Variants in ABHD6 observed in about 807,000 individuals in gnomAD.
ABHD6 encodes the protein abhydrolase domain containing 6, acylglycerol lipase.
ABHD6 carries 33 observed loss-of-function variants against 38.8 expected under a neutral mutation model. That is an observed-to-expected ratio of 0.85 (90% CI 0.64 to 1.14). ABHD6 has a LOEUF of 1.14. Ranked by LOEUF, ABHD6 falls within the 50% of genes most tolerant of loss-of-function variation. The probability of loss-of-function intolerance (pLI) is 0.00; values close to 1 mark genes in which losing one functional copy is unlikely to be tolerated. For missense variants in ABHD6, 380 were observed against 422.6 expected, an observed-to-expected ratio of 0.90 and a Z score of 0.88; for synonymous variants, 147 against 161.6, an observed-to-expected ratio of 0.91 and a Z score of 0.69.
chr3:58,256,076 A>AAC lies in ABHD6; in HGVS notation c.-25-454_-25-453dup, dbSNP rs769155755. 0.058 allele frequency among the ~76,000 whole-genome samples: 3,827 copies of AAC among 65,480 alleles called. 141 individuals are homozygous for AAC. Among genetic ancestry groups the AAC allele is most frequent in the Admixed American group, 0.18 (1,465 of 7,974 alleles). The allele number at this position is 65,480 out of a possible 152,430, so 43.0% of individuals were successfully genotyped here. A position where few individuals can be genotyped will look rare whatever the true frequency, so the allele number is the denominator to read the frequency against. ...TATTTCTCTCTCTTTTCCTCCCACC[A>AAC]ACACACACACACACACACACACACA... On this transcript the variant is annotated intron_variant, in intron 2 of 9. Transcript: ENST00000478253. The surrounding 1 kb of genome is among the most constrained non-coding windows in gnomAD (Gnocchi z 4.3).
chr3:58,254,815 A>G (rs2097432161), intron 2 of ABHD6, among the ~76,000 whole-genome samples: 1 of 147,614 alleles, frequency 6.8e-6, no homozygotes. Flanking sequence ...TATATACTTT[A>G]TGATATATAT....
intron 7 of ABHD6, among the ~76,000 whole-genome samples, chr3:58,278,981 T>G (rs2097450894): frequency 6.6e-6 from 1 of 152,244 alleles, no homozygotes; most frequent in African/African-American, 2.4e-5. Flanking sequence ...TGTTGTGATT[T>G]CTGTTCTTTT....
At chr3:58,274,621 G>A in intron 6 of ABHD6, 37 bp from the exon 7 acceptor site, 6 of 1,600,040 alleles carry the variant, frequency 3.7e-6, no homozygotes, top group Non-Finnish European at 5.1e-6. Context: ...TAAGAAGGTG[G>A]ATGTATCATC....
chr3:58,274,277 T>A (rs960380920), intron 6 of ABHD6, among the ~76,000 whole-genome samples: 2 of 152,202 alleles, frequency 1.3e-5, no homozygotes, highest in African/African-American at 4.8e-5. Flanking sequence ...CAGATATGCT[T>A]AGGCAAGTTG....
chr3:58,246,280 T>C (rs2097426332), intron 1 of ABHD6, among the ~76,000 whole-genome samples: 1 of 152,196 alleles, frequency 6.6e-6, no homozygotes, highest in African/African-American at 2.4e-5. Context: ...TTCCAGACTA[T>C]CACCACAGCC....
chr3:58,290,707 C>T (rs1194837398), intron 9 of ABHD6, among the ~76,000 whole-genome samples: 1 of 149,794 alleles, frequency 6.7e-6, no homozygotes, highest in African/African-American at 2.5e-5. Flanking sequence ...GACGGGGTCG[C>T]GGCCGGGCAG....
chr3:58,244,738 GCAAGACCCTGTCT>G (rs1034232698), intron 1 of ABHD6, among the ~76,000 whole-genome samples: 1 of 151,658 alleles, frequency 6.6e-6, no homozygotes, highest in African/African-American at 2.4e-5. Context: ...GGGCAACAGA[GCAAGACCCTGTCT>G]CAAATTAAAA....
intron 7 of ABHD6, 68 bp downstream of exon 7, chr3:58,274,883 C>A: frequency 6.5e-7 from 1 of 1,531,746 alleles, no homozygotes; most frequent in Non-Finnish European, 8.9e-7. Flanking sequence ...CAGCTTCCTG[C>A]ACGTATTCCC....
chr3:58,254,326 A>G lies in ABHD6; in HGVS notation c.-25-2236A>G, dbSNP rs370312049. Among the ~76,000 whole-genome samples the G allele has an allele frequency of 7.9e-5, 12 of 152,250 alleles. No homozygotes were observed. In the South Asian group the frequency reaches 2.5e-3, roughly 32 times the overall value. ...ACAGGTCAAATTTGGCCTACAGCCT[A>G]TTTCTGTGAAGTTTTATTGGAACAC... On this transcript the variant is annotated intron_variant, in intron 2 of 9. Transcript: ENST00000478253.
chr3:58,251,503 T>C lies in ABHD6; in HGVS notation c.-26+1561T>C, dbSNP rs919967243. On this transcript the variant is annotated intron_variant, in intron 2 of 9. Transcript: ENST00000478253. This position sits in a 1 kb window ranked among gnomAD's most constrained non-coding sequence, Gnocchi z 5.4. ...AAATCAGTGACAACATTAAAGAAAATTGTGAGATGTGCCTTACTCCTAACC... is the reference window on the plus strand; with the variant it reads ...AAATCAGTGACAACATTAAAGAAAACTGTGAGATGTGCCTTACTCCTAACC... 6.6e-6 allele frequency among the ~76,000 whole-genome samples: 1 copy of C among 152,108 alleles called. No homozygotes were observed. Among genetic ancestry groups the C allele is most frequent in the Non-Finnish European group, 1.5e-5 (1 of 68,038 alleles).
chr3:58,293,493 AC>A lies in ABHD6; in HGVS notation c.838-92del. The stretch of plus-strand genomic sequence containing the variant: ...AAATTCACATCCTCCTGCCCCACTG[AC>A]CCCTGCCAGGCCTTGGTGGAAGTTC... On this transcript the variant is annotated intron_variant, in intron 9 of 9. Transcript: ENST00000478253. The surrounding 1 kb of genome is among the most constrained non-coding windows in gnomAD (Gnocchi z 4.4). 1 of 1,356,638 alleles carries A rather than the reference AC, an allele frequency of 7.4e-7. No homozygotes were observed. The allele number at this position is 1,356,638 out of a possible 1,614,324, so 84.0% of individuals were successfully genotyped here. A position where few individuals can be genotyped will look rare whatever the true frequency, so the allele number is the denominator to read the frequency against.
In ABHD6 at chr3:58,267,292, C is replaced by G; in HGVS notation, c.223C>G (p.Leu75Val). 5 of 1,614,170 alleles carry G rather than the reference C, an allele frequency of 3.1e-6. No individual in the cohort carries two copies. The highest frequency in any genetic ancestry group is 4.2e-6 in the Non-Finnish European group (5 of 1,180,014). The change falls in exon 4 of 10, where the codon CTC (leucine) becomes GTC (valine). Residue 75 changes from leucine to valine, a missense_variant. By Grantham distance (32) the Leu-to-Val change is conservative (BLOSUM62 1). Coordinates refer to ENST00000478253, the MANE Select transcript of ABHD6 (RefSeq NM_001320126.2). This position sits in a 1 kb window ranked among gnomAD's most constrained non-coding sequence, Gnocchi z 4.3. ...CAGGCCTGGGCACAAACCCTCCATC[C>G]TCATGCTCCACGGATTCTCTGCCCA... ...RGRPGHKPSILMLHGFSAHKD... is the reference protein window; with the variant it reads ...RGRPGHKPSIVMLHGFSAHKD...
At chr3:58,261,601 C>T (rs2097437012) in intron 3 of ABHD6, among the ~76,000 whole-genome samples, 1 of 152,130 alleles carries the variant, frequency 6.6e-6, no homozygotes. Flanking sequence ...ACCCACCTTG[C>T]CCTCCCAAAG....
At chr3:58,277,160 T>G (rs908385099) in intron 7 of ABHD6, among the ~76,000 whole-genome samples, 1 of 152,142 alleles carries the variant, frequency 6.6e-6, no homozygotes, top group Non-Finnish European at 1.5e-5. Flanking sequence ...AGAAAGTCAT[T>G]GGTAGCTTGA....
rs1283652361 is a variant in ABHD6, at chr3:58,237,823, G to GT, written c.-183dup. 6.6e-6 allele frequency: 1 copy of GT among 152,074 alleles called. No homozygotes were observed. Among genetic ancestry groups the GT allele is most frequent in the Non-Finnish European group, 1.5e-5 (1 of 68,000 alleles). The allele number at this position is 152,074 out of a possible 1,614,324, so 9.4% of individuals were successfully genotyped here. On this transcript the variant is annotated 5_prime_UTR_variant, in exon 1 of 10. Transcript: ENST00000478253. Reference sequence around the variant, plus strand: ...GGCGCCGGAGCTGGGAGCGGCGCGGGTAGGAGCCCGGCGGCAGGTCCCAGC... The same window carrying GT: ...GGCGCCGGAGCTGGGAGCGGCGCGGGTTAGGAGCCCGGCGGCAGGTCCCAGC...
chr3:58,276,401 G>A (rs935923692), intron 7 of ABHD6, among the ~76,000 whole-genome samples: 3 of 152,168 alleles, frequency 2.0e-5, no homozygotes, highest in Non-Finnish European at 4.4e-5. Flanking sequence ...TCTGTTGGCT[G>A]CATAGATGTC....
chr3:58,254,482 T>A (rs987716446), intron 2 of ABHD6, among the ~76,000 whole-genome samples: 4 of 152,190 alleles, frequency 2.6e-5, no homozygotes, highest in Admixed American at 6.5e-5. Flanking sequence ...AGAAAAAGTG[T>A]GCTGACCCTT....
At position 58,282,804 on chromosome 3, in the gene ABHD6, A is replaced by G. The variant is rs115837678; in HGVS notation, c.682-2281A>G. Among the ~76,000 whole-genome samples the G allele has an allele frequency of 4.0e-3, 616 of 152,310 alleles. 5 individuals are homozygous for G. The highest frequency in any genetic ancestry group is 0.014 in the African/African-American group (570 of 41,574). ...AAGAGTAGAAGGGCAGGCTTGGGGA[A>G]TATGCCAAGGACTCCATTTTTCATG... On this transcript the variant is annotated intron_variant, in intron 7 of 9. Transcript: ENST00000478253.
At chr3:58,247,203 A>G (rs575871173) in intron 1 of ABHD6, among the ~76,000 whole-genome samples, 3 of 151,782 alleles carry the variant, frequency 2.0e-5, no homozygotes, top group South Asian at 2.1e-4. Flanking sequence ...GGGTCTTGCT[A>G]TGTTGCCCAG....
Sources: gnomAD v4.1 joint callset for allele counts (sites outside exome capture counted in the v4.1 genomes callset) on GRCh38, gnomAD v4.1.1 for gene constraint, Gnocchi (gnomAD v3.1) non-coding constraint, MANE v1.5 for transcripts, NCBI Gene and HGNC (gene_info 2026-07-23, HGNC 2026-07-21) for gene names.